Variants in FXYD6 observed in about 807,000 individuals in gnomAD.
The protein encoded by FXYD6 is FXYD domain containing ion transport regulator 6.
In FXYD6, 7 loss-of-function variants were observed where a neutral mutation model predicts 16.7. The observed-to-expected ratio is 0.42, with a 90% CI of 0.24 to 0.79. The LOEUF (loss-of-function observed/expected upper bound fraction) is 0.79. Ranked by LOEUF, FXYD6 falls within the 30% of genes least tolerant of loss-of-function variation. FXYD6 has a pLI of 0.28. For synonymous variants in FXYD6, 49 were observed against 43.0 expected, an observed-to-expected ratio of 1.14 and a Z score of -0.54; for missense variants, 111 against 116.2, an observed-to-expected ratio of 0.95 and a Z score of 0.21.
rs77007992 is a variant in FXYD6, at chr11:117,857,803, C to T, written c.-5-15022G>A. On this transcript the variant is annotated intron_variant, in intron 1 of 7. Coordinates refer to ENST00000526014, the MANE Select transcript of FXYD6 (RefSeq NM_022003.4). Reference sequence around the variant, plus strand: ...TCTGATCTATTCGTGCTAAGCAAGACCTCTTGGAGACAAAGGACTGGCCCC... The same window carrying T: ...TCTGATCTATTCGTGCTAAGCAAGATCTCTTGGAGACAAAGGACTGGCCCC... Among the ~76,000 whole-genome samples the T allele has an allele frequency of 5.3e-3, 807 of 152,250 alleles. 8 individuals are homozygous for T. The highest frequency in any genetic ancestry group is 0.019 in the African/African-American group (778 of 41,538).
intron 1 of FXYD6, among the ~76,000 whole-genome samples, chr11:117,861,464 G>A (rs778701165): frequency 8.5e-5 from 13 of 152,166 alleles, no homozygotes; most frequent in African/African-American, 1.2e-4. Context: ...CACCCTTCCC[G>A]AGTCTGGCTC....
At chr11:117,846,067 T>C (rs773568936) in intron 1 of FXYD6, among the ~76,000 whole-genome samples, 1 of 152,238 alleles carries the variant, frequency 6.6e-6, no homozygotes, top group Non-Finnish European at 1.5e-5. Flanking sequence ...ACCAGCTGCA[T>C]ATCACTGTCC....
At position 117,872,599 on chromosome 11, in the gene FXYD6, C is replaced by T. The variant is rs762897127; in HGVS notation, c.-6+3993G>A. 6.6e-6 allele frequency among the ~76,000 whole-genome samples: 1 copy of T among 152,208 alleles called. No individual in the cohort carries two copies. Among genetic ancestry groups the T allele is most frequent in the African/African-American group, 2.4e-5 (1 of 41,442 alleles). On this transcript the variant is annotated intron_variant, in intron 1 of 7. Transcript: ENST00000526014. The surrounding 1 kb of genome is among the most constrained non-coding windows in gnomAD (Gnocchi z 4.9). ...GGGGGTCACTGTTATTCTAACTACA[C>T]CCCTTCATCCTTGGCCCTCTCTGCC... is the stretch of plus-strand genomic sequence containing the variant.
rs1415466056 is a variant in FXYD6 at position 117,842,195 on chromosome 11, G to C, written c.59-167C>G. On this transcript the variant is annotated intron_variant, in intron 2 of 7. Coordinates refer to ENST00000526014, the MANE Select transcript of FXYD6 (RefSeq NM_022003.4). ...ACGGTAGGGCGGGCCTGCCAGTTAG[G>C]GGGTTAGGGGAACCCTAAGGGCCGA... 4.1e-6 allele frequency: 4 copies of C among 984,486 alleles called. No individual in the cohort carries two copies. In the East Asian group the frequency reaches 1.0e-4, roughly 25 times the overall value. 61.0% of individuals were successfully genotyped at this position (984,486 alleles called of 1,614,324 possible). A position where few individuals can be genotyped will look rare whatever the true frequency, so the allele number is the denominator to read the frequency against.
chr11:117,875,795 C>T (rs1184110877), intron 1 of FXYD6, among the ~76,000 whole-genome samples: 1 of 152,194 alleles, frequency 6.6e-6, no homozygotes, highest in Non-Finnish European at 1.5e-5. Context: ...CGAGGCTGCT[C>T]CCAGCTCCCA....
intron 1 of FXYD6, among the ~76,000 whole-genome samples, chr11:117,850,753 A>T (rs2056590892): frequency 6.6e-6 from 1 of 150,608 alleles, no homozygotes; most frequent in East Asian, 1.9e-4. Flanking sequence ...TTGGCCTCCC[A>T]AAGTGCTGGG....
At chr11:117,855,953 C>T (rs1304445766) in intron 1 of FXYD6, among the ~76,000 whole-genome samples, 5 of 152,180 alleles carry the variant, frequency 3.3e-5, no homozygotes. Flanking sequence ...TTGCTGCCTC[C>T]TCTAGGGTGT....
chr11:117,875,730 G>A (rs984662452), intron 1 of FXYD6, among the ~76,000 whole-genome samples: 5 of 152,164 alleles, frequency 3.3e-5, no homozygotes, highest in Admixed American at 6.5e-5. Context: ...CAGTAGCCAC[G>A]GTCCCGCGAG....
intron 1 of FXYD6, among the ~76,000 whole-genome samples, chr11:117,849,259 G>T (rs182162615): frequency 2.6e-5 from 4 of 152,238 alleles, no homozygotes; most frequent in Non-Finnish European, 5.9e-5. Context: ...CTTTACCTAT[G>T]CATTAAGAAG....
intron 1 of FXYD6, among the ~76,000 whole-genome samples, chr11:117,871,386 A>C (rs2057131982): frequency 1.3e-5 from 2 of 149,706 alleles, no homozygotes; most frequent in African/African-American, 4.9e-5. Flanking sequence ...GGCTTTCTCC[A>C]CGTGTCTGAC....
chr11:117,873,046 G>A (rs370785492), intron 1 of FXYD6, among the ~76,000 whole-genome samples: 15 of 152,122 alleles, frequency 9.9e-5, no homozygotes, highest in African/African-American at 2.7e-4. Context: ...CCCAACCGCC[G>A]CCCGCCTCCA....
At chr11:117,841,109 A>G in intron 5 of FXYD6, 39 bp downstream of exon 5, 3 of 1,613,282 alleles carry the variant, frequency 1.9e-6, no homozygotes, top group Non-Finnish European at 2.5e-6. Flanking sequence ...TGTCCCACCT[A>G]GTATCACCCC....
At chr11:117,876,934 C>G (rs2057284618), upstream of FXYD6, 1 of 152,272 alleles carries the variant, frequency 6.6e-6, no homozygotes, top group Non-Finnish European at 1.5e-5. Context: ...AGAGATTTTT[C>G]CAAAGGGCAG....
At chr11:117,853,057 TAC>T (rs757436471) in intron 1 of FXYD6, among the ~76,000 whole-genome samples, 30 of 152,266 alleles carry the variant, frequency 2.0e-4, no homozygotes, top group Middle Eastern at 3.2e-3. Flanking sequence ...CAACATTTCT[TAC>T]AGTTATTTTA....
chr11:117,850,834 G>A (rs1267204621), intron 1 of FXYD6, among the ~76,000 whole-genome samples: 1 of 151,128 alleles, frequency 6.6e-6, no homozygotes, highest in East Asian at 1.9e-4. Flanking sequence ...CCCTCTACTG[G>A]TTTAGAAATT....
At chr11:117,868,057 G>A (rs567405811) in intron 1 of FXYD6, among the ~76,000 whole-genome samples, 3 of 152,272 alleles carry the variant, frequency 2.0e-5, no homozygotes, top group African/African-American at 7.2e-5. Flanking sequence ...CAGACTCCAA[G>A]AGCGCCTGTC....
chr11:117,848,074 T>C (rs1402629697), intron 1 of FXYD6, among the ~76,000 whole-genome samples: 1 of 152,230 alleles, frequency 6.6e-6, no homozygotes, highest in Non-Finnish European at 1.5e-5. Context: ...TGTGAGATGG[T>C]ATCTCATTGT....
chr11:117,854,642 C>T (rs865917195), intron 1 of FXYD6, among the ~76,000 whole-genome samples: 5 of 152,194 alleles, frequency 3.3e-5, no homozygotes, highest in Non-Finnish European at 5.9e-5. Flanking sequence ...CAGGTACAGA[C>T]GCCATGCAAC....
chr11:117,843,459 C>T (rs557240650), intron 1 of FXYD6, among the ~76,000 whole-genome samples: 2 of 152,326 alleles, frequency 1.3e-5, no homozygotes, highest in African/African-American at 4.8e-5. Context: ...CTGTGTCCTT[C>T]TCTCCAGGCC....
Sources: gnomAD v4.1 joint callset for allele counts (sites outside exome capture counted in the v4.1 genomes callset) on GRCh38, gnomAD v4.1.1 for gene constraint, Gnocchi (gnomAD v3.1) non-coding constraint, MANE v1.5 for transcripts, NCBI Gene and HGNC (gene_info 2026-07-23, HGNC 2026-07-21) for gene names.